Variants in NDST3 observed in about 807,000 individuals in gnomAD.
NDST3 encodes N-deacetylase and N-sulfotransferase 3.
NDST3 carries 58 observed loss-of-function variants against 96.1 expected under a neutral mutation model. That is an observed-to-expected ratio of 0.60 (90% CI 0.49 to 0.75). The LOEUF (loss-of-function observed/expected upper bound fraction) is 0.75. Ranked by LOEUF, NDST3 falls within the 30% of genes least tolerant of loss-of-function variation. The pLI is 0.00. For synonymous variants in NDST3, 333 were observed against 359.7 expected, an observed-to-expected ratio of 0.93 and a Z score of 0.84; for missense variants, 788 against 1,034.2, an observed-to-expected ratio of 0.76 and a Z score of 3.27.
chr4:118,044,578 G>T (rs1328015187), intron 1 of NDST3, among the ~76,000 whole-genome samples: 2 of 152,222 alleles, frequency 1.3e-5, no homozygotes, highest in Non-Finnish European at 2.9e-5. Context: ...ATTGCTCTAT[G>T]ATATTCTCCA....
chr4:118,091,405 G>C (rs1728855688), intron 2 of NDST3, among the ~76,000 whole-genome samples: 1 of 151,786 alleles, frequency 6.6e-6, no homozygotes, highest in South Asian at 2.1e-4. Flanking sequence ...TAGAAACCAT[G>C]TGAGTCTATA....
intron 1 of NDST3, among the ~76,000 whole-genome samples, chr4:118,046,630 C>T (rs1434429545): frequency 2.0e-5 from 3 of 152,150 alleles, no homozygotes; most frequent in African/African-American, 7.2e-5. Flanking sequence ...CTTGGGAGCA[C>T]TTTGGATTCC....
intron 1 of NDST3, among the ~76,000 whole-genome samples, chr4:118,051,457 A>T (rs1725071436): frequency 6.6e-6 from 1 of 152,174 alleles, no homozygotes; most frequent in South Asian, 2.1e-4. Flanking sequence ...AACTATCAGC[A>T]GAGTAAACAG....
At chr4:118,059,280 C>T (rs988749783) in intron 2 of NDST3, among the ~76,000 whole-genome samples, 2 of 152,110 alleles carry the variant, frequency 1.3e-5, no homozygotes, top group Non-Finnish European at 2.9e-5. Flanking sequence ...CTACCCCAGA[C>T]CTTTCTCACT....
chr4:118,093,375 A>T (rs1729037471), intron 2 of NDST3, among the ~76,000 whole-genome samples: 1 of 151,890 alleles, frequency 6.6e-6, no homozygotes, highest in Non-Finnish European at 1.5e-5. Flanking sequence ...CATAGTAAGC[A>T]CTCAATAAAT....
At position 118,054,231 on chromosome 4, in the gene NDST3, C is replaced by T; in HGVS notation, c.321C>T (p.His107=). 1 of 1,612,678 alleles carries T rather than the reference C, an allele frequency of 6.2e-7. No individual in the cohort carries two copies. Among genetic ancestry groups the T allele is most frequent in the Non-Finnish European group, 8.5e-7 (1 of 1,179,240 alleles). Residue 107 remains histidine, a synonymous_variant, in exon 2 of 14, where the codon CAC becomes CAT. Transcript: ENST00000296499. ...MILESSRFQY[H]IEIAPGKGDL... ...TAGAATCAAGTAGATTCCAGTATCA[C>T]ATTGAAATTGCCCCTGGAAAGGGAG... is the stretch of plus-strand genomic sequence containing the variant.
At chr4:118,193,445 T>C (rs1737446656) in intron 6 of NDST3, 4 of 721,844 alleles carry the variant, frequency 5.5e-6, no homozygotes. Context: ...CTCTGTGGTG[T>C]TGCTCTTCTG....
rs537372621 is a variant in NDST3, at chr4:118,212,025, C to T, written c.1540-12466C>T. The stretch of plus-strand genomic sequence containing the variant: ...TTGGGACCACTGTTTCTTTCCATTC[C>T]ACTTTCCCTTGTATCAAACATCCCC... On this transcript the variant is annotated intron_variant, in intron 6 of 13. Coordinates refer to ENST00000296499, the MANE Select transcript of NDST3 (RefSeq NM_004784.3). Among the ~76,000 whole-genome samples the T allele has an allele frequency of 2.0e-5, 3 of 152,204 alleles. No individual in the cohort carries two copies. The South Asian group carries it at 6.2e-4, about 32-fold the overall frequency.
chr4:118,184,598 TCTCTACAC>T (rs1404772712), intron 6 of NDST3, among the ~76,000 whole-genome samples: 53 of 101,266 alleles, frequency 5.2e-4, no homozygotes, highest in African/African-American at 1.7e-3. Flanking sequence ...TCTCTCTCTC[TCTCTACAC>T]ACACACACAC....
At chr4:118,147,162 C>G (rs1384594651) in intron 6 of NDST3, among the ~76,000 whole-genome samples, 1 of 152,166 alleles carries the variant, frequency 6.6e-6, no homozygotes, top group African/African-American at 2.4e-5. Context: ...TGGTATCCTG[C>G]TTTTATTCAT....
At chr4:118,194,441 A>G in intron 6 of NDST3, 1 of 734,676 alleles carries the variant, frequency 1.4e-6, no homozygotes, top group Non-Finnish European at 2.6e-6. Flanking sequence ...TTTGCAGGTG[A>G]TATGGCACAC....
At chr4:118,048,556 T>C (rs1042404993) in intron 1 of NDST3, among the ~76,000 whole-genome samples, 21 of 152,150 alleles carry the variant, frequency 1.4e-4, no homozygotes, top group African/African-American at 4.6e-4. Context: ...ATGGAAAATA[T>C]ACAAAGATCA....
At chr4:118,194,406 C>T (rs1737528411) in intron 6 of NDST3, 3 of 735,328 alleles carry the variant, frequency 4.1e-6, no homozygotes, top group Non-Finnish European at 7.7e-6. Context: ...GGAGGACTGC[C>T]TGCTGCACCG....
chr4:118,058,960 A>G (rs970122243), intron 2 of NDST3, among the ~76,000 whole-genome samples: 3 of 152,090 alleles, frequency 2.0e-5, no homozygotes, highest in Non-Finnish European at 4.4e-5. Flanking sequence ...AAGACATCTG[A>G]GAAGTCAAAT....
intron 6 of NDST3, among the ~76,000 whole-genome samples, chr4:118,183,620 C>T (rs1029720737): frequency 3.9e-5 from 6 of 152,130 alleles, no homozygotes; most frequent in African/African-American, 1.4e-4. Context: ...AAACACTAAT[C>T]AAATTCTCCA....
intron 6 of NDST3, among the ~76,000 whole-genome samples, chr4:118,206,889 A>C (rs1738470511): frequency 7.0e-6 from 1 of 143,330 alleles, no homozygotes; most frequent in East Asian, 2.0e-4. Context: ...CCTCAGATAT[A>C]TTTTCGAATG....
At chr4:118,214,078 A>C (rs1438738425) in intron 6 of NDST3, among the ~76,000 whole-genome samples, 1 of 151,958 alleles carries the variant, frequency 6.6e-6, no homozygotes, top group Non-Finnish European at 1.5e-5. Flanking sequence ...AGCAGTGGAG[A>C]TACAAAGAGG....
At chr4:118,231,317 CAG>C (rs1205819201) in intron 8 of NDST3, among the ~76,000 whole-genome samples, 1 of 145,810 alleles carries the variant, frequency 6.9e-6, no homozygotes, top group Non-Finnish European at 1.5e-5. Flanking sequence ...GCCTGGGCAA[CAG>C]AGCAAGACTC....
intron 4 of NDST3, among the ~76,000 whole-genome samples, chr4:118,137,539 G>A (rs1405592090): frequency 1.3e-5 from 2 of 152,148 alleles, no homozygotes; most frequent in African/African-American, 2.4e-5. Flanking sequence ...GGCAGGGAAC[G>A]TTGTTACTGC....
Sources: allele counts gnomAD v4.1 joint callset (sites outside exome capture counted in the v4.1 genomes callset), GRCh38; gene constraint gnomAD v4.1.1; transcripts MANE v1.5; gene names NCBI Gene and HGNC (gene_info 2026-07-23, HGNC 2026-07-21).